CPE: variants seen among roughly 807,000 people sequenced by gnomAD.
CPE encodes carbocypeptidase E.
In CPE, 17 loss-of-function variants were observed where a neutral mutation model predicts 53.5. The observed-to-expected ratio is 0.32, with a 90% confidence interval of 0.22 to 0.48. The LOEUF (loss-of-function observed/expected upper bound fraction) is 0.48, where lower values mean the gene tolerates loss of function less well. Ranked by LOEUF, CPE falls within the 20% of genes least tolerant of loss-of-function variation. The pLI is 0.99. For synonymous variants in CPE, 226 were observed against 228.8 expected, an observed-to-expected ratio of 0.99 and a Z score of 0.11; for missense variants, 524 against 614.7, an observed-to-expected ratio of 0.85 and a Z score of 1.56.
chr4:165,423,594 G>A (rs965599609), intron 1 of CPE, among the ~76,000 whole-genome samples: 1 of 151,684 alleles, frequency 6.6e-6, no homozygotes, highest in African/African-American at 2.4e-5. Context: ...ATTCCCTGTT[G>A]CTAGATTACC....
rs1731312756 is a variant in CPE, at chr4:165,426,082, T to A, written c.308-38308T>A. On this transcript the variant is annotated intron_variant, in intron 1 of 8. Transcript: ENST00000402744. ...TATGATCAAGAGTCTTCAGCCAAATTAAAATAATGGATCATTTTCCCACAC... is the reference window on the plus strand; with the variant it reads ...TATGATCAAGAGTCTTCAGCCAAATAAAAATAATGGATCATTTTCCCACAC... Among the ~76,000 whole-genome samples the A allele has an allele frequency of 4.6e-5, 7 of 152,350 alleles. No individual in the cohort carries two copies. In the South Asian group the frequency reaches 1.4e-3, roughly 32 times the overall value.
At chr4:165,398,781 G>A (rs1239265812) in intron 1 of CPE, among the ~76,000 whole-genome samples, 1 of 152,174 alleles carries the variant, frequency 6.6e-6, no homozygotes, top group Non-Finnish European at 1.5e-5. Flanking sequence ...TGCTTGTTGA[G>A]TGGCATTAAT....
In CPE at chr4:165,491,758, A is replaced by G. The variant is rs1470692136; in HGVS notation, c.1114-1413A>G. On this transcript the variant is annotated intron_variant, in intron 6 of 8. Transcript: ENST00000402744. ...TTTTTTTAAGAAAAATGGCACACAC[A>G]AAAAATATTGCTGGTAACAAGGCAC... is the stretch of plus-strand genomic sequence containing the variant. 3.3e-5 allele frequency among the ~76,000 whole-genome samples: 5 copies of G among 152,166 alleles called. No individual in the cohort carries two copies. In the South Asian group the frequency reaches 6.2e-4, roughly 19 times the overall value.
At position 165,425,659 on chromosome 4, in the gene CPE, C is replaced by CA. The variant is rs35754302; in HGVS notation, c.308-38718dup. ...AAATGTTTAAAAGCAAATATTTCCT[C>CA]AAAAAAAAAAAAACACTTAATTCCA... On this transcript the variant is annotated intron_variant, in intron 1 of 8. Transcript: ENST00000402744. 2.5e-3 allele frequency among the ~76,000 whole-genome samples: 371 copies of CA among 146,426 alleles called. 2 individuals are homozygous for CA. Among genetic ancestry groups the CA allele is most frequent in the South Asian group, 5.2e-3 (24 of 4,600 alleles).
chr4:165,427,484 G>A (rs1333507259), intron 1 of CPE, among the ~76,000 whole-genome samples: 3 of 152,024 alleles, frequency 2.0e-5, no homozygotes, highest in African/African-American at 7.2e-5. Flanking sequence ...ATCAATGGTT[G>A]TATAATATTC....
rs867571529 is a variant in CPE, at chr4:165,495,625, G to A, written c.1280G>A (p.Gly427Asp). The A allele has an allele frequency of 1.9e-6, 3 of 1,613,868 alleles. No homozygotes were observed. The highest frequency in any genetic ancestry group is 3.3e-4 in the Middle Eastern group (2 of 6,058). The part of the protein sequence containing the change: ...GNYKLTASAP[G>D]YLAITKKVAV... ...TATAAACTTACAGCCTCAGCTCCAGGCTATCTGGCAATAACAAAGAAAGTG... is the reference window on the plus strand; with the variant it reads ...TATAAACTTACAGCCTCAGCTCCAGACTATCTGGCAATAACAAAGAAAGTG... The change falls in exon 8 of 9, where the codon GGC becomes GAC. Residue 427 changes from glycine (G) to aspartate (D), a missense_variant. Gly to Asp is a moderately conservative substitution (Grantham distance 94, BLOSUM62 -1). Coordinates refer to ENST00000402744, the MANE Select transcript of CPE (RefSeq NM_001873.4).
At chr4:165,454,867 A>C (rs554502193) in intron 1 of CPE, among the ~76,000 whole-genome samples, 65 of 152,320 alleles carry the variant, frequency 4.3e-4, no homozygotes, top group African/African-American at 1.5e-3. Context: ...TTGTCAAGCA[A>C]GATACAGCGC....
chr4:165,444,085 T>C (rs1259478361), intron 1 of CPE, among the ~76,000 whole-genome samples: 1 of 152,172 alleles, frequency 6.6e-6, no homozygotes. Context: ...ATGGTGTTTG[T>C]TGTAACAGCC....
intron 3 of CPE, among the ~76,000 whole-genome samples, chr4:165,472,702 C>T (rs1192823516): frequency 6.6e-6 from 1 of 152,156 alleles, no homozygotes; most frequent in Non-Finnish European, 1.5e-5. Flanking sequence ...ACAACTTGCT[C>T]AAACCTTCAG....
chr4:165,428,479 A>G (rs1402377390), intron 1 of CPE, among the ~76,000 whole-genome samples: 2 of 152,224 alleles, frequency 1.3e-5, no homozygotes, highest in Non-Finnish European at 2.9e-5. Flanking sequence ...TCACAGCATA[A>G]AGACAACTTG....
chr4:165,399,914 C>T (rs1413789530), intron 1 of CPE, among the ~76,000 whole-genome samples: 2 of 151,502 alleles, frequency 1.3e-5, no homozygotes, highest in Non-Finnish European at 2.9e-5. Flanking sequence ...TGTTATAATC[C>T]CAGCCTCTCT....
chr4:165,497,638 C>CT lies in CPE; in HGVS notation c.*29dup. The CT allele has an allele frequency of 1.5e-6, 2 of 1,370,152 alleles. No homozygotes were observed. The highest frequency in any genetic ancestry group is 2.9e-5 in the South Asian group (2 of 69,568). 84.9% of individuals were successfully genotyped at this position (1,370,152 alleles called of 1,614,324 possible). A position where few individuals can be genotyped will look rare whatever the true frequency, so the allele number is the denominator to read the frequency against. ...AGGCTTCTAGTTAGCTGCTTTAAAT[C>CT]TATCTATATAATGTAGTATGATGTA... On this transcript the variant is annotated 3_prime_UTR_variant, in exon 9 of 9. Transcript: ENST00000402744.
intron 3 of CPE, among the ~76,000 whole-genome samples, chr4:165,480,737 G>T (rs1040964093): frequency 1.3e-5 from 2 of 152,034 alleles, no homozygotes; most frequent in Non-Finnish European, 2.9e-5. Flanking sequence ...GACATTGGCT[G>T]CCACTCAGCC....
chr4:165,479,044 A>G (rs992104574), intron 3 of CPE, among the ~76,000 whole-genome samples: 1 of 152,224 alleles, frequency 6.6e-6, no homozygotes, highest in Admixed American at 6.5e-5. Context: ...GGTTAAAGAA[A>G]ATAGAGGGAA....
At chr4:165,451,401 G>C (rs1731804789) in intron 1 of CPE, among the ~76,000 whole-genome samples, 1 of 152,256 alleles carries the variant, frequency 6.6e-6, no homozygotes, top group African/African-American at 2.4e-5. Flanking sequence ...CTACCCACTA[G>C]TGGAGCATGA....
intron 1 of CPE, among the ~76,000 whole-genome samples, chr4:165,438,116 A>C (rs1368885057): frequency 6.6e-6 from 1 of 152,184 alleles, no homozygotes; most frequent in African/African-American, 2.4e-5. Context: ...TGAATATTTT[A>C]GAAAAATCAC....
intron 1 of CPE, among the ~76,000 whole-genome samples, chr4:165,388,836 A>T (rs1039010601): frequency 1.0e-5 from 1 of 100,298 alleles, no homozygotes; most frequent in African/African-American, 5.0e-5. Flanking sequence ...AAACATTTTC[A>T]TTTGTCTCAG....
chr4:165,481,401 T>C (rs1732409871), intron 3 of CPE, among the ~76,000 whole-genome samples: 1 of 152,194 alleles, frequency 6.6e-6, no homozygotes, highest in Non-Finnish European at 1.5e-5. Context: ...ACCCTACTGA[T>C]GCCATTAGAT....
chr4:165,479,544 G>A (rs939985139), intron 3 of CPE, among the ~76,000 whole-genome samples: 2 of 152,152 alleles, frequency 1.3e-5, no homozygotes, highest in African/African-American at 4.8e-5. Flanking sequence ...AAATGGAAAA[G>A]CAAAGAGACC....
Sources: allele counts gnomAD v4.1 joint callset (sites outside exome capture counted in the v4.1 genomes callset), GRCh38; gene constraint gnomAD v4.1.1; transcripts MANE v1.5; gene names NCBI Gene and HGNC (gene_info 2026-07-23, HGNC 2026-07-21).